PECAM1: variants seen among roughly 807,000 people sequenced by gnomAD.
PECAM1 encodes platelet endothelial cell adhesion molecule.
A neutral mutation model predicts 13.8 loss-of-function variants in PECAM1; 8 were observed. The ratio of observed to expected loss-of-function variants is 0.58; its 90% CI spans 0.34 to 1.05. The LOEUF (loss-of-function observed/expected upper bound fraction) is 1.05, where lower values mean the gene tolerates loss of function less well. Among genes scored for constraint, PECAM1 ranks in the 50% least tolerant of loss-of-function variants. The pLI is 0.03. For synonymous variants in PECAM1, 136 were observed against 52.6 expected (o/e 2.58, Z -6.86); for missense variants, 304 against 141.2 (o/e 2.15, Z -5.84).
At chr17:64,341,887 T>C (rs1462225931) in intron 13 of PECAM1, among the ~76,000 whole-genome samples, 197 bp from the exon 14 acceptor site, 4 of 152,008 alleles carry the variant, frequency 2.6e-5, no homozygotes, top group African/African-American at 9.7e-5. Flanking sequence ...AGGTGGCTCA[T>C]ACCTGTAATC....
chr17:64,367,728 G>C (rs1404902584), intron 5 of PECAM1, among the ~76,000 whole-genome samples: 3 of 152,030 alleles, frequency 2.0e-5, no homozygotes, highest in African/African-American at 7.3e-5. Flanking sequence ...ATTCTTCATA[G>C]GTAAAACCGG....
intron 14 of PECAM1, among the ~76,000 whole-genome samples, chr17:64,339,397 T>G (rs1016372641): frequency 1.3e-5 from 2 of 152,084 alleles, no homozygotes; most frequent in Non-Finnish European, 2.9e-5. Flanking sequence ...AAAGACACGA[T>G]GTACTTAGAC....
Position 64,378,042 on chromosome 17 carries a change from T to C in PECAM1, c.167A>G (p.Gln56Arg). Residue 56 changes from glutamine to arginine, a missense_variant, in exon 3 of 16, where the codon CAG (glutamine) becomes CGG (arginine). Transcript: ENST00000563924. ...GGTGGTGCTGACATCCGCGAAGCAC[T>C]GCAGGGTCAGGTTCTTCCCATTTTG... ...TVQNGKNLTLQCFADVSTTSH... is the reference protein window; with the variant it reads ...TVQNGKNLTLRCFADVSTTSH... 2.1e-6 allele frequency: 1 copy of C among 475,334 alleles called. No homozygotes were observed. The highest frequency in any genetic ancestry group is 3.9e-6 in the Non-Finnish European group (1 of 259,046). 29.4% of individuals were successfully genotyped at this position (475,334 alleles called of 1,614,324 possible).
At chr17:64,360,813 A>AATGTGT (rs2035956223) in intron 6 of PECAM1, among the ~76,000 whole-genome samples, 1 of 53,804 alleles carries the variant, frequency 1.9e-5, no homozygotes, top group Non-Finnish European at 5.0e-5. Flanking sequence ...TAGCCAACAA[A>AATGTGT]ATGTGTGTGT....
chr17:64,321,104 T>C lies in PECAM1; in HGVS notation c.*2712A>G, dbSNP rs2034803691. 1 of 152,232 alleles carries C rather than the reference T, an allele frequency of 6.6e-6. No individual in the cohort carries two copies. The highest frequency in any genetic ancestry group is 2.4e-5 in the African/African-American group (1 of 41,444). The allele number at this position is 152,232 out of a possible 1,614,324, so 9.4% of individuals were successfully genotyped here. A position where few individuals can be genotyped will look rare whatever the true frequency, so the allele number is the denominator to read the frequency against. Reference sequence around the variant, plus strand: ...CAGTTAGCCAATCAGAGAACGCTGATGGGGCGACCAGTATATGCTCATGAA... The same window carrying C: ...CAGTTAGCCAATCAGAGAACGCTGACGGGGCGACCAGTATATGCTCATGAA... On this transcript the variant is annotated 3_prime_UTR_variant, in exon 16 of 16. Transcript: ENST00000563924.
At chr17:64,329,793 A>G (rs2035055927) in intron 14 of PECAM1, 71 bp from the exon 15 acceptor site, 2 of 734,446 alleles carry the variant, frequency 2.7e-6, no homozygotes, top group Non-Finnish European at 5.1e-6. Context: ...ACAACATCAC[A>G]GGGTCAGGAG....
At chr17:64,372,616 C>T (rs2143856307) in intron 4 of PECAM1, among the ~76,000 whole-genome samples, 1 of 152,204 alleles carries the variant, frequency 6.6e-6, no homozygotes, top group South Asian at 2.1e-4. Context: ...GATCCTCCTG[C>T]CTCAGCCTCC....
At chr17:64,323,968 A>C (rs782699381) in intron 15 of PECAM1, 123 bp from the exon 16 acceptor site, 1 of 796,056 alleles carries the variant, frequency 1.3e-6, no homozygotes, top group South Asian at 1.3e-5. Context: ...GCTGTCACAC[A>C]CTGGTCCCCC....
chr17:64,343,002 G>GA (rs1490098294), intron 13 of PECAM1, among the ~76,000 whole-genome samples: 1 of 152,022 alleles, frequency 6.6e-6, no homozygotes, highest in Non-Finnish European at 1.5e-5. Context: ...GAGGAAACAG[G>GA]ATGGAACCTG....
intron 13 of PECAM1, among the ~76,000 whole-genome samples, chr17:64,346,605 G>A (rs1416961539): frequency 6.6e-6 from 1 of 152,160 alleles, no homozygotes; most frequent in Non-Finnish European, 1.5e-5. Context: ...CAAAGTACTA[G>A]GTTTACAAGT....
In PECAM1 at chr17:64,347,197, T is replaced by C. The variant is rs969993736; in HGVS notation, c.2107+1063A>G. 4.6e-5 allele frequency among the ~76,000 whole-genome samples: 7 copies of C among 151,982 alleles called. No individual in the cohort carries two copies. The East Asian group carries it at 1.4e-3, about 29-fold the overall frequency. On this transcript the variant is annotated intron_variant, in intron 13 of 15. Transcript: ENST00000563924. ...CAGCCAGGGCAACATGGCGAAACCC[T>C]GTCTCTATTTTTCTTTAATTAATTT...
chr17:64,352,352 TG>T lies in PECAM1; in HGVS notation c.1990+37del, dbSNP rs1394418233. 8.4e-6 allele frequency: 4 copies of T among 473,624 alleles called. No homozygotes were observed. In the South Asian group the frequency reaches 2.1e-4, roughly 24 times the overall value. 29.3% of individuals were successfully genotyped at this position (473,624 alleles called of 1,614,324 possible). The stretch of plus-strand genomic sequence containing the variant: ...AGGGCTAAGGAAGTATGTAGCAAGT[TG>T]GGGGAAATTAGAAATGGCAGGAGAA... On this transcript the variant is annotated intron_variant, in intron 11 of 15. Transcript: ENST00000563924.
At chr17:64,342,884 G>A (rs2035470320) in intron 13 of PECAM1, among the ~76,000 whole-genome samples, 1 of 151,854 alleles carries the variant, frequency 6.6e-6, no homozygotes, top group Non-Finnish European at 1.5e-5. Flanking sequence ...CAGTGTGTAG[G>A]ATGTGTCTAC....
At chr17:64,384,940 C>G (rs1347223327) in intron 2 of PECAM1, among the ~76,000 whole-genome samples, 1 of 152,206 alleles carries the variant, frequency 6.6e-6, no homozygotes, top group Non-Finnish European at 1.5e-5. Flanking sequence ...CAGCCAAGCA[C>G]AGCCAAACTG....
At chr17:64,367,925 G>A (rs1598039972) in intron 5 of PECAM1, among the ~76,000 whole-genome samples, 1 of 152,198 alleles carries the variant, frequency 6.6e-6, no homozygotes, top group African/African-American at 2.4e-5. Flanking sequence ...TAGACCAGCA[G>A]GACCCAATGT....
rs1000322072 is a variant in PECAM1 at position 64,363,344 on chromosome 17, C to T, written c.1021G>A (p.Glu341Lys). 23 of 475,362 alleles carry T rather than the reference C, an allele frequency of 4.8e-5. No homozygotes were observed. The highest frequency in any genetic ancestry group is 4.5e-4 in the African/African-American group (23 of 50,636). The allele number at this position is 475,362 out of a possible 1,614,324, so 29.4% of individuals were successfully genotyped here. A position where few individuals can be genotyped will look rare whatever the true frequency, so the allele number is the denominator to read the frequency against. ...ESSFTHLDQG[E>K]RLNLSCSIPG... Reference sequence around the variant, plus strand: ...ATGGAGCAGGACAGGTTCAGTCTTTCACCTTGGTCCAGATGTGTGAAGGAA... The same window carrying T: ...ATGGAGCAGGACAGGTTCAGTCTTTTACCTTGGTCCAGATGTGTGAAGGAA... The change falls in exon 6 of 16, where the codon GAA (glutamate) becomes AAA (lysine). Residue 341 changes from glutamate (E) to lysine (K), a missense_variant. Coordinates refer to ENST00000563924, the MANE Select transcript of PECAM1 (RefSeq NM_000442.5).
chr17:64,322,112 G>C lies in PECAM1; in HGVS notation c.*1704C>G. The C allele has an allele frequency of 9.2e-7, 1 of 1,092,686 alleles. No homozygotes were observed. The highest frequency in any genetic ancestry group is 1.7e-5 in the African/African-American group (1 of 60,050). The allele number at this position is 1,092,686 out of a possible 1,614,324, so 67.7% of individuals were successfully genotyped here. ...AGGCTGGGCATGGTGGCTCACGCCT[G>C]CAATCCCAACCCAAAGGCCTGTGGA... On this transcript the variant is annotated 3_prime_UTR_variant, in exon 16 of 16. Coordinates refer to ENST00000563924, the MANE Select transcript of PECAM1 (RefSeq NM_000442.5).
At chr17:64,386,912 G>A (rs2036605421) in intron 2 of PECAM1, among the ~76,000 whole-genome samples, 1 of 152,302 alleles carries the variant, frequency 6.6e-6, no homozygotes, top group East Asian at 1.9e-4. Context: ...GCAGAGGCCA[G>A]GGCTGGACTG....
intron 14 of PECAM1, among the ~76,000 whole-genome samples, chr17:64,334,430 A>G (rs2035213241): frequency 1.3e-5 from 2 of 152,150 alleles, no homozygotes; most frequent in Non-Finnish European, 2.9e-5. Flanking sequence ...ATGACGGGGA[A>G]CATGAAGGGG....
Sources: allele counts gnomAD v4.1 joint callset (sites outside exome capture counted in the v4.1 genomes callset), GRCh38; gene constraint gnomAD v4.1.1; transcripts MANE v1.5; gene names NCBI Gene and HGNC (gene_info 2026-07-23, HGNC 2026-07-21).